The following PTPN13 variants were observed in gnomAD, a reference collection of about 807,000 sequenced individuals.
PTPN13 encodes protein tyrosine phosphatase non-receptor type 13.
PTPN13 carries 191 observed loss-of-function variants against 284.0 expected under a neutral mutation model. That is an observed-to-expected ratio of 0.67 (90% CI 0.60 to 0.76). PTPN13 has a LOEUF of 0.76. Among genes scored for constraint, PTPN13 ranks in the 30% least tolerant of loss-of-function variants. The pLI, the probability that PTPN13 is intolerant of heterozygous loss-of-function variation, is 0.00. For missense variants in PTPN13, 2,797 were observed against 2,939.9 expected (o/e 0.95, Z 1.12); for synonymous variants, 986 against 1,022.3 (o/e 0.96, Z 0.68).
At chr4:86,767,767 A>G (rs1739503488) in intron 27 of PTPN13, 50 bp from the exon 28 acceptor site, 3 of 1,376,976 alleles carry the variant, frequency 2.2e-6, no homozygotes, top group Non-Finnish European at 2.9e-6. Flanking sequence ...AAATGTATCT[A>G]TTTTCTTAGC....
intron 1 of PTPN13, among the ~76,000 whole-genome samples, chr4:86,626,974 GA>G (rs1322098521): frequency 6.6e-6 from 1 of 152,060 alleles, no homozygotes; most frequent in Non-Finnish European, 1.5e-5. Context: ...CTAAACAGGT[GA>G]ATGGATACAG....
intron 1 of PTPN13, among the ~76,000 whole-genome samples, chr4:86,610,423 A>G (rs1765161033): frequency 6.6e-6 from 1 of 152,218 alleles, no homozygotes. Context: ...AAAAAATGTT[A>G]GTTTGTTAGA....
chr4:86,784,645 C>A, intron 38 of PTPN13, 87 bp downstream of exon 38: 1 of 807,696 alleles, frequency 1.2e-6, no homozygotes, highest in South Asian at 1.7e-5. Context: ...CTTTTCTTTG[C>A]TTTATATGTT....
chr4:86,695,464 G>T (rs2148984812), intron 6 of PTPN13, among the ~76,000 whole-genome samples: 1 of 151,992 alleles, frequency 6.6e-6, no homozygotes, highest in Non-Finnish European at 1.5e-5. Flanking sequence ...GCAGCAATTT[G>T]TTAATTGATC....
intron 7 of PTPN13, among the ~76,000 whole-genome samples, chr4:86,711,025 G>T (rs900367733): frequency 3.3e-5 from 5 of 149,848 alleles, no homozygotes; most frequent in African/African-American, 1.2e-4. Context: ...CTGGGCTCAA[G>T]CAATTCTCTC....
chr4:86,693,892 C>T (rs895479951), intron 6 of PTPN13, among the ~76,000 whole-genome samples: 1 of 151,930 alleles, frequency 6.6e-6, no homozygotes, highest in African/African-American at 2.4e-5. Context: ...TTAGGATTCC[C>T]AGAGTAACTT....
At chr4:86,711,799 A>G (rs887781403) in intron 7 of PTPN13, among the ~76,000 whole-genome samples, 49 of 152,192 alleles carry the variant, frequency 3.2e-4, no homozygotes, top group African/African-American at 1.1e-3. Context: ...TCAGTCTGAC[A>G]CCTGTAATGG....
chr4:86,762,760 T>TG lies in PTPN13; in HGVS notation c.3588dup (p.Lys1197GlufsTer56). 2 of 1,604,160 alleles carry TG rather than the reference T, an allele frequency of 1.2e-6. No individual in the cohort carries two copies. The highest frequency in any genetic ancestry group is 1.7e-4 in the Middle Eastern group (1 of 6,026). On this transcript the variant is annotated frameshift_variant, in exon 24 of 48. Coordinates refer to ENST00000411767, the MANE Select transcript of PTPN13 (RefSeq NM_080683.3). LOFTEE classifies it high-confidence loss of function. ...ACTCCTGTGCATCTCACCAATGAGA[T>TG]GAAAAACTACATGAAGAAATCTTCC... is the stretch of plus-strand genomic sequence containing the variant.
chr4:86,628,247 A>C (rs1439616213), intron 1 of PTPN13, among the ~76,000 whole-genome samples: 1 of 152,132 alleles, frequency 6.6e-6, no homozygotes, highest in Non-Finnish European at 1.5e-5. Flanking sequence ...CATTGTGGTT[A>C]ATCTTTTTAA....
intron 38 of PTPN13, 41 bp from the exon 39 acceptor site, chr4:86,785,190 A>AT (rs1741752190): frequency 7.1e-7 from 1 of 1,404,458 alleles, no homozygotes; most frequent in Admixed American, 2.5e-5. Flanking sequence ...TCGTGTCAAT[A>AT]TTTTTAAAGT....
At chr4:86,641,931 T>C (rs540025820) in intron 2 of PTPN13, among the ~76,000 whole-genome samples, 2 of 152,206 alleles carry the variant, frequency 1.3e-5, no homozygotes, top group Non-Finnish European at 2.9e-5. Context: ...ACTTTATTAG[T>C]CTGTATTCTT....
At position 86,775,659 on chromosome 4, in the gene PTPN13, T is replaced by G; in HGVS notation, c.5891+7T>G. ...TGGTATTGAAAGCAACAAGGTACTC[T>G]GCAATTATTTATGAGTTTTGATTGT... On this transcript the variant is annotated splice_region_variant and intron_variant, in intron 35 of 47. Transcript: ENST00000411767. 6.2e-7 allele frequency: 1 copy of G among 1,601,180 alleles called. No individual in the cohort carries two copies. Among genetic ancestry groups the G allele is most frequent in the Non-Finnish European group, 8.5e-7 (1 of 1,172,136 alleles).
intron 10 of PTPN13, 64 bp downstream of exon 10, chr4:86,722,498 T>G (rs1733785854): frequency 7.1e-7 from 1 of 1,411,090 alleles, no homozygotes; most frequent in Non-Finnish European, 9.9e-7. Context: ...TTGGGCAAAG[T>G]ACTTTTAAAA....
At chr4:86,611,840 T>A (rs2149198356) in intron 1 of PTPN13, among the ~76,000 whole-genome samples, 1 of 152,264 alleles carries the variant, frequency 6.6e-6, no homozygotes, top group East Asian at 1.9e-4. Flanking sequence ...TGGTCCCCTT[T>A]GAGTATTCAG....
chr4:86,671,339 G>T (rs1025159681), intron 2 of PTPN13, among the ~76,000 whole-genome samples: 3 of 152,128 alleles, frequency 2.0e-5, no homozygotes, highest in Non-Finnish European at 4.4e-5. Flanking sequence ...TTGACAGAGT[G>T]ATATCAGTAT....
At chr4:86,773,818 C>T (rs1269601337) in intron 32 of PTPN13, among the ~76,000 whole-genome samples, 2 of 151,664 alleles carry the variant, frequency 1.3e-5, no homozygotes, top group Non-Finnish European at 2.9e-5. Context: ...AGAAATCTTT[C>T]ACCCTTGTAA....
At chr4:86,646,579 C>T (rs933773559) in intron 2 of PTPN13, among the ~76,000 whole-genome samples, 37 of 151,718 alleles carry the variant, frequency 2.4e-4, no homozygotes, top group Admixed American at 1.1e-3. Flanking sequence ...ATGACAGGCA[C>T]GAGCCACTGT....
intron 24 of PTPN13, among the ~76,000 whole-genome samples, chr4:86,763,947 T>C (rs1370708350): frequency 1.3e-5 from 2 of 152,074 alleles, no homozygotes; most frequent in East Asian, 1.9e-4. Flanking sequence ...CTAGAAATGA[T>C]ACAAATTTAA....
rs138072945 is a variant in PTPN13, at chr4:86,723,410, A to G, written c.1608+976A>G. Among the ~76,000 whole-genome samples, 822 of 152,256 alleles carry G rather than the reference A, an allele frequency of 5.4e-3. 4 individuals are homozygous for G. Among genetic ancestry groups the G allele is most frequent in the Non-Finnish European group, 9.9e-3 (671 of 68,010 alleles). On this transcript the variant is annotated intron_variant, in intron 10 of 47. Transcript: ENST00000411767. ...TTGTGAACTGCGTTGCATGTTCCTT[A>G]TGAGAATCTAATGCCTGATGATCTG...
Sources: gnomAD v4.1 joint callset for allele counts (sites outside exome capture counted in the v4.1 genomes callset) on GRCh38, gnomAD v4.1.1 for gene constraint, MANE v1.5 for transcripts, NCBI Gene and HGNC (gene_info 2026-07-23, HGNC 2026-07-21) for gene names.